The following CCER1 variants were observed in gnomAD, a reference collection of about 807,000 sequenced individuals.
CCER1 encodes coiled-coil glutamate rich protein 1.
For synonymous variants in CCER1, 246 were observed against 213.8 expected, an observed-to-expected ratio of 1.15 and a Z score of -1.31; for missense variants, 573 against 524.5, an observed-to-expected ratio of 1.09 and a Z score of -0.90.
chr12:90,953,782 C>T lies in CCER1; in HGVS notation c.961G>A (p.Glu321Lys), dbSNP rs1400170581. The T allele has an allele frequency of 6.5e-7, 1 of 1,543,290 alleles. No individual in the cohort carries two copies. Residue 321 changes from glutamate to lysine, a missense_variant, in exon 1 of 1, where the codon GAG (glutamate) becomes AAG (lysine). Physicochemically the swap from Glu to Lys is moderately conservative, Grantham distance 56 (BLOSUM62 1). Coordinates refer to ENST00000358859, the MANE Select transcript of CCER1 (RefSeq NM_152638.4). ...TCCACATATTCAGCCTCTTCGACCT[C>T]TTCTTCCTCCTCATCTTCGACCTCT... The part of the protein sequence containing the change: ...EEEVEDEEEE[E>K]VEEAEYVEEG...
In CCER1 at chr12:90,953,838, T is replaced by C; in HGVS notation, c.905A>G (p.Glu302Gly). 6.3e-7 allele frequency: 1 copy of C among 1,591,344 alleles called. No individual in the cohort carries two copies. The highest frequency in any genetic ancestry group is 8.6e-7 in the Non-Finnish European group (1 of 1,159,432). The change falls in exon 1 of 1, where the codon GAG (glutamate) becomes GGG (glycine). Residue 302 changes from glutamate (E) to glycine (G), a missense_variant. Glu to Gly is a moderately conservative substitution (Grantham distance 98, BLOSUM62 -2). Transcript: ENST00000358859. ...CTCATCTTCGACCTCTTCTTCCTCCTCGCTCGCCTCCTTTGCATCACACAC... is the reference window on the plus strand; with the variant it reads ...CTCATCTTCGACCTCTTCTTCCTCCCCGCTCGCCTCCTTTGCATCACACAC... ...QEVCDAKEAS[E>G]EEEEVEDEEE... is the part of the protein sequence containing the mutation.
rs1211723060 is a variant in CCER1, at chr12:90,954,667, A to T, written c.76T>A (p.Trp26Arg). 6.3e-7 allele frequency: 1 copy of T among 1,590,530 alleles called. No homozygotes were observed. The highest frequency in any genetic ancestry group is 1.3e-5 in the African/African-American group (1 of 74,360). Residue 26 changes from tryptophan to arginine, a missense_variant, in exon 1 of 1, where the codon TGG becomes AGG. Transcript: ENST00000358859. ...GGGGGGCGCG[W>R]AHSASLSSWS... ...GAGCTCAAGGAGGCCGAGTGTGCCC[A>T]GCCACAGCCACAGCCGCCGCCGCCA...
rs781765606 is a variant in CCER1, at chr12:90,953,665, G to A, written c.1078C>T (p.Pro360Ser). Residue 360 changes from proline to serine, a missense_variant, in exon 1 of 1, where the codon CCT becomes TCT. Transcript: ENST00000358859. ...AAGATTGATAAAGGCATTTCCAGAG[G>A]CAAGTGAAATTCTTCCCCTCTCTGC... ...NEQRGEEFHL[P>S]LEMPLSIFVE... is the part of the protein sequence containing the mutation. 1 of 1,614,032 alleles carries A rather than the reference G, an allele frequency of 6.2e-7. No homozygotes were observed. The highest frequency in any genetic ancestry group is 1.1e-5 in the South Asian group (1 of 91,070).
In CCER1 at chr12:90,954,226, C is replaced by T; in HGVS notation, c.517G>A (p.Val173Ile). 1 of 1,607,270 alleles carries T rather than the reference C, an allele frequency of 6.2e-7. No homozygotes were observed. The highest frequency in any genetic ancestry group is 8.5e-7 in the Non-Finnish European group (1 of 1,179,826). ...GGCTCTCTCCACTCATACAGCTTGACCGGCCGCGGCAGCGTGCTCACATCC... is the reference window on the plus strand; with the variant it reads ...GGCTCTCTCCACTCATACAGCTTGATCGGCCGCGGCAGCGTGCTCACATCC... ...PADVSTLPRP[V>I]KLYEWREPGM... Residue 173 changes from valine to isoleucine, a missense_variant, in exon 1 of 1, where the codon GTC (valine) becomes ATC (isoleucine). Transcript: ENST00000358859.
rs140346503 is a variant in CCER1, at chr12:90,953,385, T to G, written c.*137A>C. 3.2e-3 allele frequency: 3,469 copies of G among 1,098,444 alleles called. 130 individuals are homozygous for G. Among genetic ancestry groups the G allele is most frequent in the Non-Finnish European group, 3.8e-4 (299 of 795,736 alleles). The allele number at this position is 1,098,444 out of a possible 1,614,324, so 68.0% of individuals were successfully genotyped here. A position where few individuals can be genotyped will look rare whatever the true frequency, so the allele number is the denominator to read the frequency against. ...CACATACGCATCAAATTTTAAACAT[T>G]TTATAATGGCCAAAGAAGGTGTTTA... On this transcript the variant is annotated 3_prime_UTR_variant, in exon 1 of 1. Transcript: ENST00000358859.
In CCER1 at chr12:90,954,529, C is replaced by A; in HGVS notation, c.214G>T (p.Gly72Cys). 6.2e-7 allele frequency: 1 copy of A among 1,612,938 alleles called. No homozygotes were observed. The highest frequency in any genetic ancestry group is 8.5e-7 in the Non-Finnish European group (1 of 1,179,136). Residue 72 changes from glycine (G) to cysteine (C), a missense_variant, in exon 1 of 1, where the codon GGC becomes TGC. Transcript: ENST00000358859. ...PPRKQPKQQH[G>C]PGFWFQPPVC... ...GGTGGTTGGAACCAAAAGCCCGGGC[C>A]GTGCTGTTGCTTCGGCTGCTTCCTT...
Position 90,954,855 on chromosome 12 carries a change from C to G in CCER1, c.-113G>C. 2 of 1,457,980 alleles carry G rather than the reference C, an allele frequency of 1.4e-6. No homozygotes were observed. Among genetic ancestry groups the G allele is most frequent in the African/African-American group, 1.4e-5 (1 of 70,000 alleles). 90.3% of individuals were successfully genotyped at this position (1,457,980 alleles called of 1,614,324 possible). On this transcript the variant is annotated 5_prime_UTR_variant, in exon 1 of 1. Coordinates refer to ENST00000358859, the MANE Select transcript of CCER1 (RefSeq NM_152638.4). Reference sequence around the variant, plus strand: ...CTCGTCAACCTGTCTCTCCACGCAGCGCCACGTGTCTACCCCTGGGATCAC... The same window carrying G: ...CTCGTCAACCTGTCTCTCCACGCAGGGCCACGTGTCTACCCCTGGGATCAC...
At position 90,954,614 on chromosome 12, in the gene CCER1, C is replaced by T. The variant is rs1284747960; in HGVS notation, c.129G>A (p.Pro43=). Residue 43 remains proline, a synonymous_variant, in exon 1 of 1, where the codon CCG becomes CCA. Coordinates refer to ENST00000358859, the MANE Select transcript of CCER1 (RefSeq NM_152638.4). ...GCGGTCTATTGTACGCTGGAGCACC[C>T]GGGCGCCTTCGATGGCAGGACGACC... ...SSWSSCHRRR[P]GAPAYNRPHR... 2.5e-6 allele frequency: 4 copies of T among 1,613,444 alleles called. No individual in the cohort carries two copies. Among genetic ancestry groups the T allele is most frequent in the East Asian group, 2.2e-5 (1 of 44,830 alleles).
At position 90,953,486 on chromosome 12, in the gene CCER1, C is replaced by G. The variant is rs1242247198; in HGVS notation, c.*36G>C. 6.4e-7 allele frequency: 1 copy of G among 1,558,192 alleles called. No individual in the cohort carries two copies. The highest frequency in any genetic ancestry group is 1.2e-5 in the South Asian group (1 of 80,064). On this transcript the variant is annotated 3_prime_UTR_variant, in exon 1 of 1. Coordinates refer to ENST00000358859, the MANE Select transcript of CCER1 (RefSeq NM_152638.4). ...TTGCTAATCCAGTTTAGCCTCAAAT[C>G]AGTTCCATCCCTTTTCTCAATCCCT... is the stretch of plus-strand genomic sequence containing the variant.
rs1876539077 is a variant in CCER1, at chr12:90,953,637, A to G, written c.1106T>C (p.Val369Ala). ...GTTCTCTCTCTTTTCTTCAGCCTCT[A>G]CGAAGATTGATAAAGGCATTTCCAG... ...LPLEMPLSIF[V>A]EAEEKRENFI... is the part of the protein sequence containing the mutation. The change falls in exon 1 of 1, where the codon GTA becomes GCA. Residue 369 changes from valine (V) to alanine (A), a missense_variant. By Grantham distance (64) the Val-to-Ala change is moderately conservative. Transcript: ENST00000358859. The G allele has an allele frequency of 3.7e-6, 6 of 1,614,012 alleles. No individual in the cohort carries two copies. Among genetic ancestry groups the G allele is most frequent in the Non-Finnish European group, 5.1e-6 (6 of 1,180,044 alleles).
In CCER1 at chr12:90,954,597, T is replaced by G. The variant is rs568255782; in HGVS notation, c.146A>C (p.Asn49Thr). The G allele has an allele frequency of 5.0e-6, 8 of 1,613,876 alleles. No individual in the cohort carries two copies. The African/African-American group carries it at 1.1e-4, about 22-fold the overall frequency. ...CTTGGGGCTATATCGGTGCGGTCTA[T>G]TGTACGCTGGAGCACCCGGGCGCCT... The part of the protein sequence containing the change: ...HRRRPGAPAY[N>T]RPHRYSPKTE... The change falls in exon 1 of 1, where the codon AAT becomes ACT. Residue 49 changes from asparagine to threonine, a missense_variant. Asn to Thr is a moderately conservative substitution (Grantham distance 65). Transcript: ENST00000358859.
Position 90,954,777 on chromosome 12 carries a change from G to A in CCER1, c.-35C>T, listed in dbSNP as rs2120768957. The stretch of plus-strand genomic sequence containing the variant: ...AGCTCCGAGAGGTCCAGATGGTAGC[G>A]ACCTGAAGCTGTCGTCAAGTTTTGC... On this transcript the variant is annotated 5_prime_UTR_variant, in exon 1 of 1. Coordinates refer to ENST00000358859, the MANE Select transcript of CCER1 (RefSeq NM_152638.4). 6.6e-7 allele frequency: 1 copy of A among 1,513,458 alleles called. No individual in the cohort carries two copies. The highest frequency in any genetic ancestry group is 8.9e-7 in the Non-Finnish European group (1 of 1,127,356). 93.8% of individuals were successfully genotyped at this position (1,513,458 alleles called of 1,614,324 possible). A position where few individuals can be genotyped will look rare whatever the true frequency, so the allele number is the denominator to read the frequency against.
chr12:90,954,076 C>T lies in CCER1; in HGVS notation c.667G>A (p.Gly223Ser). Reference sequence around the variant, plus strand: ...GAGGATCTGGCTGGGGAGGCCTCGCCGCTCACCGTGGCCTTCTGCGCCCGC... The same window carrying T: ...GAGGATCTGGCTGGGGAGGCCTCGCTGCTCACCGTGGCCTTCTGCGCCCGC... ...ALRAQKATVSGEASPARSSGN... is the reference protein window; with the variant it reads ...ALRAQKATVSSEASPARSSGN... Residue 223 changes from glycine (G) to serine (S), a missense_variant, in exon 1 of 1, where the codon GGC becomes AGC. Physicochemically the swap from Gly to Ser is moderately conservative, Grantham distance 56 (BLOSUM62 0). Transcript: ENST00000358859. 11 of 1,613,740 alleles carry T rather than the reference C, an allele frequency of 6.8e-6. No individual in the cohort carries two copies. The highest frequency in any genetic ancestry group is 8.5e-6 in the Non-Finnish European group (10 of 1,180,028).
At position 90,953,545 on chromosome 12, in the gene CCER1, T is replaced by C. The variant is rs200956633; in HGVS notation, c.1198A>G (p.Met400Val). 2 of 1,613,572 alleles carry C rather than the reference T, an allele frequency of 1.2e-6. No homozygotes were observed. The highest frequency in any genetic ancestry group is 1.7e-6 in the Non-Finnish European group (2 of 1,179,730). ...IPKVPQESLF[M>V]AQDFNC ...GTCTAACAGTTAAAGTCCTGTGCCATGAACAGGGATTCCTGTGGCACTTTG... is the reference window on the plus strand; with the variant it reads ...GTCTAACAGTTAAAGTCCTGTGCCACGAACAGGGATTCCTGTGGCACTTTG... Residue 400 changes from methionine (M) to valine (V), a missense_variant, in exon 1 of 1, where the codon ATG becomes GTG. Coordinates refer to ENST00000358859, the MANE Select transcript of CCER1 (RefSeq NM_152638.4).
Position 90,953,911 on chromosome 12 carries a change from C to G in CCER1, c.832G>C (p.Glu278Gln). ...NQSLAPLLVE[E>Q]EEEKKNDDEE... is the part of the protein sequence containing the mutation. ...TCATCATTTTTCTTCTCCTCCTCTTCTTCCACCAGCAGCGGGGCAAGAGAC... is the reference window on the plus strand; with the variant it reads ...TCATCATTTTTCTTCTCCTCCTCTTGTTCCACCAGCAGCGGGGCAAGAGAC... The change falls in exon 1 of 1, where the codon GAA becomes CAA. Residue 278 changes from glutamate (E) to glutamine (Q), a missense_variant. Transcript: ENST00000358859. The G allele has an allele frequency of 6.2e-7, 1 of 1,614,060 alleles. No homozygotes were observed.
Position 90,954,244 on chromosome 12 carries a change from T to A in CCER1, c.499A>T (p.Ser167Cys). ...SYPRSPPADV[S>C]TLPRPVKLYE... is the part of the protein sequence containing the mutation. ...AGCTTGACCGGCCGCGGCAGCGTGC[T>A]CACATCCGCTGGCGGGCTCCGCGGG... Residue 167 changes from serine (S) to cysteine (C), a missense_variant, in exon 1 of 1, where the codon AGC (serine) becomes TGC (cysteine). By Grantham distance (112) the Ser-to-Cys change is moderately radical (BLOSUM62 -1). Transcript: ENST00000358859. The A allele has an allele frequency of 6.2e-7, 1 of 1,605,610 alleles. No homozygotes were observed. Among genetic ancestry groups the A allele is most frequent in the Non-Finnish European group, 8.5e-7 (1 of 1,179,522 alleles).
rs1876575725 is a variant in CCER1, at chr12:90,954,294, A to C, written c.449T>G (p.Leu150Arg). 6.2e-7 allele frequency: 1 copy of C among 1,600,404 alleles called. No homozygotes were observed. The highest frequency in any genetic ancestry group is 1.1e-5 in the South Asian group (1 of 90,684). The change falls in exon 1 of 1, where the codon CTG (leucine) becomes CGG (arginine). Residue 150 changes from leucine to arginine, a missense_variant. Transcript: ENST00000358859. Reference protein sequence around the residue: ...KKRWGRRGRGLRHHPRHSYPR... With the variant: ...KKRWGRRGRGRRHHPRHSYPR... ...GTAGGAGTGGCGAGGGTGGTGGCGC[A>C]GGCCGCGGCCTCTGCGGCCCCAGCG...
chr12:90,954,094 G>C lies in CCER1; in HGVS notation c.649C>G (p.Gln217Glu). ...GCCTCGCCGCTCACCGTGGCCTTCT[G>C]CGCCCGCAGCGCCTCCTGCTGACGC... ...VERQQEALRAQKATVSGEASP... is the reference protein window; with the variant it reads ...VERQQEALRAEKATVSGEASP... Residue 217 changes from glutamine (Q) to glutamate (E), a missense_variant, in exon 1 of 1, where the codon CAG becomes GAG. By Grantham distance (29) the Gln-to-Glu change is conservative. Coordinates refer to ENST00000358859, the MANE Select transcript of CCER1 (RefSeq NM_152638.4). The C allele has an allele frequency of 6.2e-7, 1 of 1,613,184 alleles. No homozygotes were observed.
rs1044873585 is a variant in CCER1, at chr12:90,954,860, C to T, written c.-118G>A. 1.4e-5 allele frequency: 21 copies of T among 1,455,842 alleles called. No individual in the cohort carries two copies. Among genetic ancestry groups the T allele is most frequent in the Middle Eastern group, 2.6e-4 (1 of 3,906 alleles). The allele number at this position is 1,455,842 out of a possible 1,614,324, so 90.2% of individuals were successfully genotyped here. On this transcript the variant is annotated 5_prime_UTR_variant, in exon 1 of 1. In the 5' UTR this introduces an upstream ATG that the reference lacks. Transcript: ENST00000358859. ...CAACCTGTCTCTCCACGCAGCGCCA[C>T]GTGTCTACCCCTGGGATCACGTTTT...
Sources: allele counts gnomAD v4.1 joint callset, GRCh38; gene constraint gnomAD v4.1.1; transcripts MANE v1.5; gene names NCBI Gene and HGNC (gene_info 2026-07-23, HGNC 2026-07-21).